ATL3: variants seen among roughly 807,000 people sequenced by gnomAD.
ATL3 encodes the protein atlastin GTPase 3, also known as atlastin-3.
In ATL3, 49 loss-of-function variants were observed where a neutral mutation model predicts 69.5. That is an observed-to-expected ratio of 0.71 (90% confidence interval 0.56 to 0.89). The LOEUF is 0.89. ATL3 is among the 40% of genes least tolerant of loss of function. The pLI is 0.00. For missense variants in ATL3, 606 were observed against 645.7 expected (o/e 0.94, Z 0.67); for synonymous variants, 214 against 224.1 (o/e 0.95, Z 0.40).
At chr11:63,658,652 C>G in intron 3 of ATL3, 109 bp downstream of exon 3, 1 of 1,231,312 alleles carries the variant, frequency 8.1e-7, no homozygotes, top group Non-Finnish European at 1.1e-6. Flanking sequence ...TTACTTTACC[C>G]ATTTTAAATT....
chr11:63,671,211 C>A (rs868443903), intron 1 of ATL3, 79 bp downstream of exon 1: 1 of 1,470,836 alleles, frequency 6.8e-7, no homozygotes, highest in Non-Finnish European at 9.0e-7. Flanking sequence ...GCGGCGCGGG[C>A]GGGGGTTCTT....
intron 8 of ATL3, among the ~76,000 whole-genome samples, chr11:63,640,638 CTT>C (rs935605585): frequency 4.6e-4 from 42 of 92,032 alleles, no homozygotes; most frequent in East Asian, 2.5e-3. Flanking sequence ...GGGTTTTGCT[CTT>C]GTCGCCCAGG....
intron 1 of ATL3, among the ~76,000 whole-genome samples, chr11:63,660,648 T>C (rs75189408): frequency 0.011 from 1,717 of 152,214 alleles, 11 homozygotes; most frequent in Non-Finnish European, 0.014. Flanking sequence ...CTCGCACATA[T>C]AGTCCCAGCT....
chr11:63,667,956 C>T (rs983705300), intron 1 of ATL3, among the ~76,000 whole-genome samples: 2 of 151,974 alleles, frequency 1.3e-5, no homozygotes, highest in Non-Finnish European at 2.9e-5. Context: ...ACCCAAAAAA[C>T]GTCTCCAGTC....
chr11:63,659,299 T>C (rs780746024), intron 1 of ATL3, 47 bp from the exon 2 acceptor site: 44 of 1,549,400 alleles, frequency 2.8e-5, no homozygotes, highest in African/African-American at 5.5e-5. Flanking sequence ...ATTTAAAATA[T>C]GTTTTTGAAT....
At chr11:63,667,725 T>C (rs900382628) in intron 1 of ATL3, among the ~76,000 whole-genome samples, 12 of 150,034 alleles carry the variant, frequency 8.0e-5, no homozygotes, top group Non-Finnish European at 1.8e-4. Context: ...GATCGCGCCA[T>C]TGCACTCCAG....
At chr11:63,660,370 GA>G (rs1451276506) in intron 1 of ATL3, among the ~76,000 whole-genome samples, 1 of 152,110 alleles carries the variant, frequency 6.6e-6, no homozygotes, top group East Asian at 1.9e-4. Context: ...ACCACAATAA[GA>G]TACCACTACC....
chr11:63,661,400 T>C (rs1030911922), intron 1 of ATL3, among the ~76,000 whole-genome samples: 1 of 152,156 alleles, frequency 6.6e-6, no homozygotes, highest in Non-Finnish European at 1.5e-5. Context: ...CTAACTATAT[T>C]ATACTTTCCT....
At chr11:63,630,412 G>A (rs1171996608) in intron 12 of ATL3, among the ~76,000 whole-genome samples, 3 of 111,062 alleles carry the variant, frequency 2.7e-5, no homozygotes, top group South Asian at 2.8e-4. Flanking sequence ...GGGCAAAAGC[G>A]TAAAAATCTG....
intron 9 of ATL3, among the ~76,000 whole-genome samples, 181 bp downstream of exon 9, chr11:63,636,026 T>G (rs1297252023): frequency 6.6e-6 from 1 of 151,228 alleles, no homozygotes; most frequent in Non-Finnish European, 1.5e-5. Flanking sequence ...CATTTGGTTC[T>G]TAGACCGATA....
chr11:63,664,506 C>T (rs996741746), intron 1 of ATL3, among the ~76,000 whole-genome samples: 1 of 151,694 alleles, frequency 6.6e-6, no homozygotes, highest in African/African-American at 2.4e-5. Context: ...CGCCACTGCA[C>T]TCTAGCCTGG....
intron 12 of ATL3, among the ~76,000 whole-genome samples, 155 bp from the exon 13 acceptor site, chr11:63,629,560 C>G (rs888126709): frequency 1.3e-5 from 2 of 152,234 alleles, no homozygotes; most frequent in African/African-American, 4.8e-5. Context: ...GCTGTGGCAG[C>G]AGCTAACTCC....
intron 6 of ATL3, among the ~76,000 whole-genome samples, chr11:63,645,570 G>C (rs1366178282): frequency 6.6e-6 from 1 of 151,956 alleles, no homozygotes; most frequent in Non-Finnish European, 1.5e-5. Flanking sequence ...GAGACAGAGA[G>C]AGACAGAGAG....
intron 1 of ATL3, among the ~76,000 whole-genome samples, chr11:63,663,345 T>C (rs7949447): frequency 0.11 from 16,537 of 152,200 alleles, 1,052 homozygotes; most frequent in Middle Eastern, 0.17. Context: ...AGTCTCAAAC[T>C]CCTGGGCTCT....
intron 11 of ATL3, chr11:63,632,540 A>G (rs1222042459): frequency 7.0e-6 from 6 of 859,218 alleles, no homozygotes; most frequent in Non-Finnish European, 1.2e-5. Context: ...AGCTACAGTT[A>G]TGTCCCAGTG....
In ATL3 at chr11:63,625,193, C is replaced by T. The variant is rs1939065180; in HGVS notation, c.*4126G>A. ...ATGTCATTTTTAAAAATTAATCACA[C>T]AAATAGTTTGTACTTTCATAACTGA... On this transcript the variant is annotated 3_prime_UTR_variant, in exon 13 of 13. Coordinates refer to ENST00000398868, the MANE Select transcript of ATL3 (RefSeq NM_015459.5). 6.6e-6 allele frequency: 1 copy of T among 151,830 alleles called. No individual in the cohort carries two copies. Among genetic ancestry groups the T allele is most frequent in the African/African-American group, 2.4e-5 (1 of 41,170 alleles). The allele number at this position is 151,830 out of a possible 1,614,324, so 9.4% of individuals were successfully genotyped here.
intron 7 of ATL3, 99 bp downstream of exon 7, chr11:63,644,070 A>G: frequency 1.3e-6 from 1 of 761,562 alleles, no homozygotes; most frequent in South Asian, 1.6e-5. Context: ...TGTATTCAAT[A>G]TCATTTTCAA....
chr11:63,652,594 CAAACA>C lies in ATL3; in HGVS notation c.406-24_406-20del. The C allele has an allele frequency of 6.4e-7, 1 of 1,559,042 alleles. No individual in the cohort carries two copies. Among genetic ancestry groups the C allele is most frequent in the Non-Finnish European group, 8.8e-7 (1 of 1,137,824 alleles). ...CTGCAACCTAAAAAAAAGGAAAATA[CAAACA>C]AAAGAGATTAAACTAAGAAGGAGGA... On this transcript the variant is annotated intron_variant, in intron 3 of 12. Coordinates refer to ENST00000398868, the MANE Select transcript of ATL3 (RefSeq NM_015459.5).
chr11:63,632,838 A>G, intron 11 of ATL3, 188 bp downstream of exon 11: 1 of 758,144 alleles, frequency 1.3e-6, no homozygotes, highest in Non-Finnish European at 2.2e-6. Context: ...AAACAAAACA[A>G]AACAAGAACA....
Sources: gnomAD v4.1 joint callset for allele counts (sites outside exome capture counted in the v4.1 genomes callset) on GRCh38, gnomAD v4.1.1 for gene constraint, MANE v1.5 for transcripts, NCBI Gene and HGNC (gene_info 2026-07-23, HGNC 2026-07-21) for gene names.